MTA3: variants seen among roughly 807,000 people sequenced by gnomAD.
The protein encoded by MTA3 is metastasis-associated protein MTA3.
MTA3 carries 34 observed loss-of-function variants against 83.5 expected under a neutral mutation model. That is an observed-to-expected ratio of 0.41 (90% confidence interval 0.31 to 0.54). The LOEUF (loss-of-function observed/expected upper bound fraction) is 0.54. Ranked by LOEUF, MTA3 falls within the 20% of genes least tolerant of loss-of-function variation. The pLI, the probability that MTA3 is intolerant of heterozygous loss-of-function variation, is 0.33. For missense variants in MTA3, 761 were observed against 726.4 expected (o/e 1.05, Z -0.55); for synonymous variants, 303 against 252.7 (o/e 1.20, Z -1.89).
intron 16 of MTA3, among the ~76,000 whole-genome samples, chr2:42,734,223 A>G (rs1668448347): frequency 1.3e-5 from 2 of 152,104 alleles, no homozygotes; most frequent in Admixed American, 1.3e-4. Context: ...TGCTTGGTGC[A>G]TATATATTTG....
intron 16 of MTA3, among the ~76,000 whole-genome samples, chr2:42,735,821 C>T (rs767579902): frequency 1.3e-5 from 2 of 152,118 alleles, no homozygotes; most frequent in Admixed American, 6.5e-5. Context: ...TAAATTATTT[C>T]AGCATCTTTC....
At position 42,753,604 on chromosome 2, in the gene MTA3, A is replaced by T. The variant is rs1003813069; in HGVS notation, c.*205A>T. The T allele has an allele frequency of 2.2e-6, 3 of 1,374,638 alleles. No homozygotes were observed. In the African/African-American group the frequency reaches 4.4e-5, roughly 20 times the overall value. 85.2% of individuals were successfully genotyped at this position (1,374,638 alleles called of 1,614,324 possible). A position where few individuals can be genotyped will look rare whatever the true frequency, so the allele number is the denominator to read the frequency against. On this transcript the variant is annotated 3_prime_UTR_variant, in exon 17 of 17. Coordinates refer to ENST00000405094, the MANE Select transcript of MTA3 (RefSeq NM_001330442.2). ...GTGTCTCCACGTGTGGATCAGCAGC[A>T]CCTCGCTTTCTTGTCAGAGACCTCG...
chr2:42,682,342 A>C (rs888266145), intron 8 of MTA3, 59 bp from the exon 9 acceptor site: 1 of 1,289,948 alleles, frequency 7.8e-7, no homozygotes, highest in Non-Finnish European at 1.1e-6. Flanking sequence ...TTATATTCTT[A>C]CATAATGTAG....
At chr2:42,569,174 ACTCAGTGGGAGC>A (rs1678169379) in intron 1 of MTA3, among the ~76,000 whole-genome samples, 1 of 123,824 alleles carries the variant, frequency 8.1e-6, no homozygotes. Context: ...CTTCTTCCCC[ACTCAGTGGGAGC>A]CTGGGGTGGG....
chr2:42,699,498 A>G (rs1360260962), intron 11 of MTA3, among the ~76,000 whole-genome samples: 1 of 152,202 alleles, frequency 6.6e-6, no homozygotes, highest in Non-Finnish European at 1.5e-5. Flanking sequence ...ATGTTGGGAA[A>G]TGGTTTGAGA....
chr2:42,618,896 C>A (rs958274216), intron 4 of MTA3, among the ~76,000 whole-genome samples: 2 of 152,166 alleles, frequency 1.3e-5, no homozygotes, highest in African/African-American at 4.8e-5. Flanking sequence ...CAGGTGTGAG[C>A]CAGTGAGCCT....
At chr2:42,658,930 C>T (rs1216754980) in intron 7 of MTA3, among the ~76,000 whole-genome samples, 1 of 137,336 alleles carries the variant, frequency 7.3e-6, no homozygotes, top group South Asian at 2.3e-4. Flanking sequence ...TTTTAATTAG[C>T]CAAAAAAAAA....
chr2:42,639,740 T>TA (rs1408811377), intron 4 of MTA3, among the ~76,000 whole-genome samples: 1 of 152,218 alleles, frequency 6.6e-6, no homozygotes, highest in African/African-American at 2.4e-5. Flanking sequence ...TGGCTGCTCA[T>TA]AAAAATCTGA....
intron 2 of MTA3, among the ~76,000 whole-genome samples, chr2:42,549,628 C>CACATATAATATATAATATATT (rs1677014299): frequency 8.7e-6 from 1 of 115,296 alleles, no homozygotes; most frequent in African/African-American, 3.8e-5. Flanking sequence ...ATATTATATA[C>CACATATAATATATAATATATT]ATATACATAT....
intron 16 of MTA3, among the ~76,000 whole-genome samples, chr2:42,739,528 TG>T (rs1347832920): frequency 6.6e-6 from 1 of 152,134 alleles, no homozygotes; most frequent in Non-Finnish European, 1.5e-5. Flanking sequence ...GCCTCAATGT[TG>T]ATGGCCACTG....
chr2:42,699,963 GAATATGATAGCT>G, intron 11 of MTA3, among the ~76,000 whole-genome samples: 1 of 152,250 alleles, frequency 6.6e-6, no homozygotes, highest in Admixed American at 6.5e-5. Flanking sequence ...AGATCAGATA[GAATATGATAGCT>G]AAAATGATAG....
At chr2:42,580,582 G>A (rs780070231) in intron 3 of MTA3, among the ~76,000 whole-genome samples, 8 of 151,950 alleles carry the variant, frequency 5.3e-5, no homozygotes, top group Non-Finnish European at 1.2e-4. Flanking sequence ...ATGTTGGTCA[G>A]GCTGGTCTGG....
intron 2 of MTA3, among the ~76,000 whole-genome samples, chr2:42,538,941 AT>A (rs1284007472): frequency 1.3e-5 from 2 of 148,664 alleles, no homozygotes; most frequent in Non-Finnish European, 3.0e-5. Flanking sequence ...TGCCCGGCTA[AT>A]TTTTTGTATT....
At chr2:42,647,531 G>A (rs551429636) in intron 6 of MTA3, among the ~76,000 whole-genome samples, 1 of 90,230 alleles carries the variant, frequency 1.1e-5, no homozygotes, top group African/African-American at 4.3e-5. Context: ...CACCCCACCT[G>A]CCTCCCACCC....
intron 7 of MTA3, among the ~76,000 whole-genome samples, chr2:42,656,688 G>A (rs1373850906): frequency 6.6e-6 from 1 of 152,248 alleles, no homozygotes; most frequent in Non-Finnish European, 1.5e-5. Context: ...GCATCCATGT[G>A]TGGGTAAGGC....
At chr2:42,636,563 A>G (rs747260109) in intron 4 of MTA3, among the ~76,000 whole-genome samples, 27 of 151,708 alleles carry the variant, frequency 1.8e-4, no homozygotes, top group Non-Finnish European at 3.4e-4. Flanking sequence ...AAACAAAACA[A>G]AAGAAGAAAG....
Position 42,756,568 on chromosome 2 carries a change from C to G in MTA3, c.*3169C>G. The G allele has an allele frequency of 1.0e-6, 1 of 985,860 alleles. No individual in the cohort carries two copies. The highest frequency in any genetic ancestry group is 4.7e-5 in the South Asian group (1 of 21,302). 61.1% of individuals were successfully genotyped at this position (985,860 alleles called of 1,614,324 possible). ...TCCCTGGCGAGGGGAGGTGGAGGAGCTGCCCCGTGGGTGTTTGGAGATTCT... is the reference window on the plus strand; with the variant it reads ...TCCCTGGCGAGGGGAGGTGGAGGAGGTGCCCCGTGGGTGTTTGGAGATTCT... On this transcript the variant is annotated 3_prime_UTR_variant, in exon 17 of 17. Coordinates refer to ENST00000405094, the MANE Select transcript of MTA3 (RefSeq NM_001330442.2).
intron 2 of MTA3, among the ~76,000 whole-genome samples, chr2:42,504,721 T>C (rs1674551260): frequency 6.6e-6 from 1 of 151,572 alleles, no homozygotes; most frequent in South Asian, 2.1e-4. Flanking sequence ...GGTCTTGAAC[T>C]CCCGGGTTCA....
At chr2:42,616,888 T>TAATA (rs1297720070) in intron 4 of MTA3, among the ~76,000 whole-genome samples, 1 of 152,260 alleles carries the variant, frequency 6.6e-6, no homozygotes, top group Admixed American at 6.5e-5. Context: ...CCTAGCTGAG[T>TAATA]AATATCTTCT....
Sources: gnomAD v4.1 joint callset for allele counts (sites outside exome capture counted in the v4.1 genomes callset) on GRCh38, gnomAD v4.1.1 for gene constraint, MANE v1.5 for transcripts, NCBI Gene and HGNC (gene_info 2026-07-23, HGNC 2026-07-21) for gene names.